The following EFHC2 variants were observed in gnomAD, a reference collection of about 807,000 sequenced individuals.
EFHC2 encodes EF-hand domain containing 2, also known as EF-hand domain-containing family member C2.
A neutral mutation model predicts 52.7 loss-of-function variants in EFHC2; 18 were observed. The observed-to-expected ratio is 0.34, with a 90% CI of 0.24 to 0.51. EFHC2 has a LOEUF of 0.51. Among genes scored for constraint, EFHC2 ranks in the 20% least tolerant of loss-of-function variants. The pLI, the probability that EFHC2 is intolerant of heterozygous loss-of-function variation, is 0.97. For synonymous variants in EFHC2, 203 were observed against 204.1 expected (o/e 0.99, Z 0.04); for missense variants, 513 against 562.5 (o/e 0.91, Z 0.89).
At chrX:44,261,566 G>T (rs2037538773) in intron 3 of EFHC2, among the ~76,000 whole-genome samples, 1 of 109,127 alleles carries the variant, frequency 9.2e-6, no homozygotes, top group Non-Finnish European at 1.9e-5. Flanking sequence ...ATAAAGACTG[G>T]GGTGAGGATG....
chrX:44,202,142 T>G (rs937365914), intron 11 of EFHC2, among the ~76,000 whole-genome samples: 22 of 112,303 alleles, frequency 2.0e-4, no homozygotes, highest in African/African-American at 7.1e-4. Context: ...CTACAGACTC[T>G]GAGAATTCAA....
intron 3 of EFHC2, among the ~76,000 whole-genome samples, chrX:44,262,531 A>AAAG (rs1556015627): frequency 6.4e-5 from 6 of 93,667 alleles, no homozygotes; most frequent in African/African-American, 2.6e-4. Flanking sequence ...AAAAAAAAAA[A>AAAG]AAAAGAAAAG....
chrX:44,292,426 G>A (rs1232973887), intron 2 of EFHC2, among the ~76,000 whole-genome samples: 1 of 111,494 alleles, frequency 9.0e-6, no homozygotes, highest in Non-Finnish European at 1.9e-5. Context: ...ATAATTTTAT[G>A]TACTATTTTT....
Position 44,211,914 on chromosome X carries a change from T to G in EFHC2, c.1751+17735A>C, listed in dbSNP as rs1006899801. ...CAAACTGAAAAATCAAGAACTCTTC[T>G]TAGATCTGTCAGAGAAGTGAAGTCA... On this transcript the variant is annotated intron_variant, in intron 11 of 14. Transcript: ENST00000420999. Among the ~76,000 whole-genome samples the G allele has an allele frequency of 2.8e-5, 3 of 107,009 alleles. No individual in the cohort carries two copies. In the East Asian group the frequency reaches 8.8e-4, roughly 31 times the overall value. 92.9% of individuals were successfully genotyped at this position (107,009 alleles called of 115,157 possible).
At chrX:44,233,249 C>T (rs2147323433) in intron 9 of EFHC2, among the ~76,000 whole-genome samples, 1 of 112,085 alleles carries the variant, frequency 8.9e-6, no homozygotes, top group Non-Finnish European at 1.9e-5. Context: ...ATGTCTTATA[C>T]TTAATCTGAC....
chrX:44,155,886 G>A (rs1388213369), intron 14 of EFHC2, among the ~76,000 whole-genome samples: 2 of 112,384 alleles, frequency 1.8e-5, no homozygotes, highest in South Asian at 3.6e-4. Context: ...AATCAAGAGC[G>A]TTCTGATAAC....
intron 8 of EFHC2, among the ~76,000 whole-genome samples, chrX:44,240,175 G>T (rs933646154): frequency 8.0e-5 from 9 of 111,953 alleles, no homozygotes; most frequent in Non-Finnish European, 1.7e-4. Context: ...TTAAAACCTT[G>T]GGTTATTCAA....
intron 8 of EFHC2, among the ~76,000 whole-genome samples, chrX:44,241,136 G>T (rs1430017744): frequency 2.7e-5 from 3 of 110,804 alleles, no homozygotes; most frequent in African/African-American, 9.9e-5. Context: ...CTTCTCCCCA[G>T]AATCTCCTTA....
rs151147595 is a variant in EFHC2 at position 44,212,311 on chromosome X, A to G, written c.1751+17338T>C. 9.0e-4 allele frequency among the ~76,000 whole-genome samples: 101 copies of G among 111,985 alleles called. No individual in the cohort carries two copies. In the East Asian group the frequency reaches 0.027, roughly 30 times the overall value. Reference sequence around the variant, plus strand: ...GGGTTGGGCGGCGAGCCTGCACTTAAGTGAATTTTACCTCCACGATCTCCA... The same window carrying G: ...GGGTTGGGCGGCGAGCCTGCACTTAGGTGAATTTTACCTCCACGATCTCCA... On this transcript the variant is annotated intron_variant, in intron 11 of 14. Coordinates refer to ENST00000420999, the MANE Select transcript of EFHC2 (RefSeq NM_025184.4).
chrX:44,208,845 A>G lies in EFHC2; in HGVS notation c.1751+20804T>C, dbSNP rs1184517449. On this transcript the variant is annotated intron_variant, in intron 11 of 14. Coordinates refer to ENST00000420999, the MANE Select transcript of EFHC2 (RefSeq NM_025184.4). ...CGTGACATATCATGATGCTATAGTA[A>G]TAAATGAAAACAGATAATACTGATT... Among the ~76,000 whole-genome samples the G allele has an allele frequency of 3.6e-5, 4 of 112,110 alleles. No homozygotes were observed. In the East Asian group the frequency reaches 8.4e-4, roughly 24 times the overall value.
At chrX:44,173,811 T>C (rs1312912773) in intron 13 of EFHC2, among the ~76,000 whole-genome samples, 1 of 111,958 alleles carries the variant, frequency 8.9e-6, no homozygotes, top group East Asian at 2.8e-4. Context: ...GACAAAACAG[T>C]CTGCTGAGAG....
intron 1 of EFHC2, among the ~76,000 whole-genome samples, chrX:44,329,982 C>T (rs563046034): frequency 9.4e-6 from 1 of 106,645 alleles, no homozygotes; most frequent in South Asian, 4.2e-4. Context: ...GGCACAGTGG[C>T]TCACACCTGT....
intron 13 of EFHC2, among the ~76,000 whole-genome samples, chrX:44,165,055 T>A (rs2147270433): frequency 9.0e-6 from 1 of 111,585 alleles, no homozygotes; most frequent in East Asian, 2.8e-4. Context: ...TTAAGGCTAA[T>A]TATCATGTAA....
intron 11 of EFHC2, among the ~76,000 whole-genome samples, chrX:44,206,426 G>T (rs2037049314): frequency 9.0e-6 from 1 of 111,636 alleles, no homozygotes; most frequent in African/African-American, 3.3e-5. Flanking sequence ...AATCATCTCT[G>T]TTTGCCAATA....
At chrX:44,149,246 G>A (rs2036550335) in intron 14 of EFHC2, among the ~76,000 whole-genome samples, 2 of 111,917 alleles carry the variant, frequency 1.8e-5, no homozygotes, top group African/African-American at 3.2e-5. Flanking sequence ...ATTTGGCTTG[G>A]CCTTCTGTGC....
intron 5 of EFHC2, among the ~76,000 whole-genome samples, chrX:44,249,948 G>A (rs1300910402): frequency 8.9e-6 from 1 of 112,507 alleles, no homozygotes; most frequent in Non-Finnish European, 1.9e-5. Flanking sequence ...ATGAATAGGT[G>A]CTTTTTCTTA....
intron 13 of EFHC2, among the ~76,000 whole-genome samples, chrX:44,175,173 C>T (rs187237583): frequency 2.7e-5 from 3 of 112,131 alleles, no homozygotes; most frequent in Non-Finnish European, 5.6e-5. Context: ...AGCAAAGAGA[C>T]ACCACAGAAG....
At chrX:44,221,595 C>T (rs1170062810) in intron 11 of EFHC2, among the ~76,000 whole-genome samples, 1 of 111,565 alleles carries the variant, frequency 9.0e-6, no homozygotes. Context: ...TTCTCAACCC[C>T]TTATTCTTCT....
chrX:44,216,212 T>A (rs1269973308), intron 11 of EFHC2, among the ~76,000 whole-genome samples: 1 of 112,475 alleles, frequency 8.9e-6, no homozygotes, highest in East Asian at 2.8e-4. Context: ...TTTTGCTATT[T>A]TCATGGTTTC....
Sources: allele counts gnomAD v4.1 joint callset (sites outside exome capture counted in the v4.1 genomes callset), GRCh38; gene constraint gnomAD v4.1.1; transcripts MANE v1.5; gene names NCBI Gene and HGNC (gene_info 2026-07-23, HGNC 2026-07-21).